Variants in MRC2 observed in about 807,000 individuals in gnomAD.
The protein encoded by MRC2 is C-type mannose receptor 2.
In MRC2, 84 loss-of-function variants were observed where a neutral mutation model predicts 206.2. That is an observed-to-expected ratio of 0.41 (90% CI 0.34 to 0.49). The LOEUF is 0.49. Among genes scored for constraint, MRC2 ranks in the 20% least tolerant of loss-of-function variants. The pLI, the probability that MRC2 is intolerant of heterozygous loss-of-function variation, is 0.31. For synonymous variants in MRC2, 798 were observed against 800.0 expected (o/e 1.00, Z 0.04); for missense variants, 1,676 against 2,001.5 (o/e 0.84, Z 3.10).
At chr17:62,683,509 CCT>C (rs1491496375) in intron 20 of MRC2, among the ~76,000 whole-genome samples, 3 of 145,350 alleles carry the variant, frequency 2.1e-5, no homozygotes, top group Middle Eastern at 3.5e-3. Flanking sequence ...AAAAAAAACA[CCT>C]TTTTTTTTTT....
intron 1 of MRC2, among the ~76,000 whole-genome samples, chr17:62,636,775 G>A (rs1018700023): frequency 6.6e-6 from 1 of 152,002 alleles, no homozygotes. Context: ...CTGGCCTGTC[G>A]TTGTTTTTTA....
Position 62,690,159 on chromosome 17 carries a change from C to T in MRC2, c.3746C>T (p.Pro1249Leu), listed in dbSNP as rs752212296. ...QGAVCGVSSGPPPPRRISYHG... is the reference protein window; with the variant it reads ...QGAVCGVSSGLPPPRRISYHG... ...TCTTAATCCTGTACCCCCACAGGGC[C>T]CCCTCCTCCCCGAAGAATAAGCTAC... The change falls in exon 26 of 30, where the codon CCC becomes CTC. Residue 1249 changes from proline to leucine, a missense_variant. By Grantham distance (98) the Pro-to-Leu change is moderately conservative (BLOSUM62 -3). Coordinates refer to ENST00000303375, the MANE Select transcript of MRC2 (RefSeq NM_006039.5). 4 of 1,602,892 alleles carry T rather than the reference C, an allele frequency of 2.5e-6. No individual in the cohort carries two copies. The highest frequency in any genetic ancestry group is 1.7e-5 in the Admixed American group (1 of 59,320).
In MRC2 at chr17:62,680,630, C is replaced by A; in HGVS notation, c.2474-170C>A. The stretch of plus-strand genomic sequence containing the variant: ...GCCCTGTTTGCTTCCGTGTGGGAGG[C>A]GAGGCAAGCCTGGGGCCTGGGGCCT... On this transcript the variant is annotated intron_variant, in intron 16 of 29. Transcript: ENST00000303375. The surrounding 1 kb of genome is among the most constrained non-coding windows in gnomAD (Gnocchi z 4.8). 8.0e-7 allele frequency: 1 copy of A among 1,253,660 alleles called. No individual in the cohort carries two copies. The highest frequency in any genetic ancestry group is 1.1e-6 in the Non-Finnish European group (1 of 926,864). The allele number at this position is 1,253,660 out of a possible 1,614,324, so 77.7% of individuals were successfully genotyped here. A position where few individuals can be genotyped will look rare whatever the true frequency, so the allele number is the denominator to read the frequency against.
In MRC2 at chr17:62,664,643, C is replaced by T. The variant is rs538797793; in HGVS notation, c.214C>T (p.Leu72Phe). ...VRVTPACNTS[L>F]PAQRWKWVSR... ...AGTCACCCCGGCTTGCAATACCAGCCTCCCTGCCCAGCGCTGGAAGTGGGT... is the reference window on the plus strand; with the variant it reads ...AGTCACCCCGGCTTGCAATACCAGCTTCCCTGCCCAGCGCTGGAAGTGGGT... The change falls in exon 2 of 30, where the codon CTC becomes TTC. Residue 72 changes from leucine to phenylalanine, a missense_variant. By Grantham distance (22) the Leu-to-Phe change is conservative (BLOSUM62 0). Coordinates refer to ENST00000303375, the MANE Select transcript of MRC2 (RefSeq NM_006039.5). This position sits in a 1 kb window ranked among gnomAD's most constrained non-coding sequence, Gnocchi z 4.7. 7 of 1,613,808 alleles carry T rather than the reference C, an allele frequency of 4.3e-6. No homozygotes were observed. Among genetic ancestry groups the T allele is most frequent in the South Asian group, 2.2e-5 (2 of 91,088 alleles).
In MRC2 at chr17:62,664,980, G is replaced by A. The variant is rs912930057; in HGVS notation, c.520+31G>A. 1.3e-6 allele frequency: 2 copies of A among 1,567,738 alleles called. No homozygotes were observed. The highest frequency in any genetic ancestry group is 1.7e-6 in the Non-Finnish European group (2 of 1,160,308). ...GGGCCGCTTGCAGGCGGGAGGGTGGGGTCCCCGATGTCCAGGGGACTGGAG... is the reference window on the plus strand; with the variant it reads ...GGGCCGCTTGCAGGCGGGAGGGTGGAGTCCCCGATGTCCAGGGGACTGGAG... On this transcript the variant is annotated intron_variant, in intron 2 of 29. Coordinates refer to ENST00000303375, the MANE Select transcript of MRC2 (RefSeq NM_006039.5). The surrounding 1 kb of genome is among the most constrained non-coding windows in gnomAD (Gnocchi z 4.7).
rs750081762 is a variant in MRC2, at chr17:62,688,949, A to C, written c.3323A>C (p.Gln1108Pro). 1.2e-6 allele frequency: 2 copies of C among 1,613,548 alleles called. No individual in the cohort carries two copies. Among genetic ancestry groups the C allele is most frequent in the Non-Finnish European group, 1.7e-6 (2 of 1,179,872 alleles). Residue 1108 changes from glutamine to proline, a missense_variant, in exon 23 of 30, where the codon CAG (glutamine) becomes CCG (proline). Coordinates refer to ENST00000303375, the MANE Select transcript of MRC2 (RefSeq NM_006039.5). ...GAGGAGACCCATGGCTTCATCTGCC[A>C]GAAGGGCACGGGTATGTGTCACCAG... is the stretch of plus-strand genomic sequence containing the variant. ...CTEETHGFIC[Q>P]KGTDPSLSPS...
At position 62,667,354 on chromosome 17, in the gene MRC2, C is replaced by T. The variant is rs2088770646; in HGVS notation, c.974-36C>T. The T allele has an allele frequency of 1.3e-6, 2 of 1,556,294 alleles. No homozygotes were observed. The highest frequency in any genetic ancestry group is 2.4e-5 in the South Asian group (2 of 82,790). On this transcript the variant is annotated intron_variant, in intron 5 of 29. Coordinates refer to ENST00000303375, the MANE Select transcript of MRC2 (RefSeq NM_006039.5). This position sits in a 1 kb window ranked among gnomAD's most constrained non-coding sequence, Gnocchi z 4.1. ...CCCGGGAGCCACGGTGTGAGCTTCT[C>T]TCTCCGGGGGTGCTGGCGCCCTGCC...
chr17:62,692,690 C>A lies in MRC2; in HGVS notation c.*239C>A. 1 of 502,008 alleles carries A rather than the reference C, an allele frequency of 2.0e-6. No homozygotes were observed. Among genetic ancestry groups the A allele is most frequent in the Non-Finnish European group, 3.6e-6 (1 of 276,548 alleles). The allele number at this position is 502,008 out of a possible 1,614,324, so 31.1% of individuals were successfully genotyped here. On this transcript the variant is annotated 3_prime_UTR_variant, in exon 30 of 30. Coordinates refer to ENST00000303375, the MANE Select transcript of MRC2 (RefSeq NM_006039.5). This position sits in a 1 kb window ranked among gnomAD's most constrained non-coding sequence, Gnocchi z 4.2. ...TTCCCTTTCTGGGGGGGCCTGAGGTCTTGTCACCTGGTCCTGTGCCCCCAC... is the reference window on the plus strand; with the variant it reads ...TTCCCTTTCTGGGGGGGCCTGAGGTATTGTCACCTGGTCCTGTGCCCCCAC...
chr17:62,666,866 G>C lies in MRC2; in HGVS notation c.969G>C (p.Glu323Asp). 2 of 1,613,618 alleles carry C rather than the reference G, an allele frequency of 1.2e-6. No individual in the cohort carries two copies. The highest frequency in any genetic ancestry group is 1.7e-6 in the Non-Finnish European group (2 of 1,179,802). Residue 323 changes from glutamate (E) to aspartate (D), a missense_variant, in exon 5 of 30, where the codon GAG becomes GAC. Coordinates refer to ENST00000303375, the MANE Select transcript of MRC2 (RefSeq NM_006039.5). The surrounding 1 kb of genome is among the most constrained non-coding windows in gnomAD (Gnocchi z 5.0). ...CGCCCCTCAAGTACCTCAACTGGGA[G>C]AGTGGTGAGGCACAAGGTTGGGGGC... Reference protein sequence around the residue: ...DNSPLKYLNWESDQPDNPSEE... With the variant: ...DNSPLKYLNWDSDQPDNPSEE...
chr17:62,670,099 A>T (rs905670938), intron 6 of MRC2, among the ~76,000 whole-genome samples: 1 of 152,118 alleles, frequency 6.6e-6, no homozygotes, highest in African/African-American at 2.4e-5. Flanking sequence ...GTCTTCCCGG[A>T]CCTGCAGACA....
chr17:62,674,275 C>T (rs2088862593), intron 9 of MRC2, 105 bp downstream of exon 9: 8 of 757,666 alleles, frequency 1.1e-5, no homozygotes, highest in Non-Finnish European at 1.7e-5. Context: ...GCATCGCCCT[C>T]TCGTCGGCAC....
Position 62,680,003 on chromosome 17 carries a change from G to C in MRC2, c.2298+101G>C. ...AGGTGGGCGGGTTTTCTTGAGGGCC[G>C]GGCCCCCAGTCGGAGCCGGCTTCAG... is the stretch of plus-strand genomic sequence containing the variant. On this transcript the variant is annotated intron_variant, in intron 14 of 29. Transcript: ENST00000303375. The surrounding 1 kb of genome is among the most constrained non-coding windows in gnomAD (Gnocchi z 4.8). 1 of 1,457,306 alleles carries C rather than the reference G, an allele frequency of 6.9e-7. No homozygotes were observed. Among genetic ancestry groups the C allele is most frequent in the East Asian group, 2.4e-5 (1 of 41,698 alleles). The allele number at this position is 1,457,306 out of a possible 1,614,324, so 90.3% of individuals were successfully genotyped here. A position where few individuals can be genotyped will look rare whatever the true frequency, so the allele number is the denominator to read the frequency against.
chr17:62,653,167 C>A (rs1273118601), intron 1 of MRC2, among the ~76,000 whole-genome samples: 2 of 152,178 alleles, frequency 1.3e-5, no homozygotes, highest in Non-Finnish European at 2.9e-5. Context: ...AGCGCGGCCG[C>A]TCTCCAGTTC....
At chr17:62,633,001 A>G (rs537570468) in intron 1 of MRC2, among the ~76,000 whole-genome samples, 31 of 152,176 alleles carry the variant, frequency 2.0e-4, no homozygotes, top group Middle Eastern at 3.4e-3. Flanking sequence ...AGTCGGTGGG[A>G]CCAGGATTGA....
intron 1 of MRC2, among the ~76,000 whole-genome samples, chr17:62,633,270 A>T (rs1036627774): frequency 6.6e-6 from 1 of 151,968 alleles, no homozygotes; most frequent in Non-Finnish European, 1.5e-5. Context: ...TGGGAGGCCG[A>T]GGCGGGTGGA....
chr17:62,684,737 G>T (rs1326691927), intron 20 of MRC2, among the ~76,000 whole-genome samples: 2 of 152,238 alleles, frequency 1.3e-5, no homozygotes, highest in African/African-American at 4.8e-5. Flanking sequence ...CTGTTGTGAA[G>T]ATTAGATTAG....
In MRC2 at chr17:62,644,892, C is replaced by T. The variant is rs1280318105; in HGVS notation, c.118+16972C>T. On this transcript the variant is annotated intron_variant, in intron 1 of 29. Coordinates refer to ENST00000303375, the MANE Select transcript of MRC2 (RefSeq NM_006039.5). ...TGTCTGCAGGGAACCACCTGGTGCTCTCTCCATTAATAGCCCCCTACCGCG... is the reference window on the plus strand; with the variant it reads ...TGTCTGCAGGGAACCACCTGGTGCTTTCTCCATTAATAGCCCCCTACCGCG... Among the ~76,000 whole-genome samples the T allele has an allele frequency of 3.9e-5, 6 of 152,168 alleles. No homozygotes were observed. The East Asian group carries it at 7.7e-4, about 20-fold the overall frequency.
At chr17:62,638,111 C>T (rs149478599) in intron 1 of MRC2, among the ~76,000 whole-genome samples, 342 of 152,278 alleles carry the variant, frequency 2.2e-3, no homozygotes, top group African/African-American at 7.6e-3. Context: ...GCTCCTCCTG[C>T]CCCAGCCTCC....
chr17:62,641,974 C>CT (rs1251809690), intron 1 of MRC2, among the ~76,000 whole-genome samples: 1 of 151,982 alleles, frequency 6.6e-6, no homozygotes, highest in Non-Finnish European at 1.5e-5. Context: ...CATTTCACAC[C>CT]TAAATACTTC....
Sources: gnomAD v4.1 joint callset for allele counts (sites outside exome capture counted in the v4.1 genomes callset) on GRCh38, gnomAD v4.1.1 for gene constraint, Gnocchi (gnomAD v3.1) non-coding constraint, MANE v1.5 for transcripts, NCBI Gene and HGNC (gene_info 2026-07-23, HGNC 2026-07-21) for gene names.